Variants in PELI1 observed in about 807,000 individuals in gnomAD.
PELI1 encodes E3 ubiquitin-protein ligase pellino homolog 1.
Under a neutral mutation model 41.3 loss-of-function variants are expected in PELI1, and 15 were observed. The ratio of observed to expected loss-of-function variants is 0.36; its 90% CI spans 0.24 to 0.56. The LOEUF is 0.56. PELI1 is among the 20% of genes least tolerant of loss of function. The pLI is 0.82. For synonymous variants in PELI1, 178 were observed against 180.1 expected (o/e 0.99, Z 0.09); for missense variants, 403 against 525.5 (o/e 0.77, Z 2.28).
intron 1 of PELI1, among the ~76,000 whole-genome samples, chr2:64,122,471 A>G (rs1419920605): frequency 6.6e-6 from 1 of 150,898 alleles, no homozygotes; most frequent in Non-Finnish European, 1.5e-5. Context: ...TTTTTGTTTC[A>G]CCCTTGGACA....
At chr2:64,111,985 TTTAAA>T (rs1426961730) in intron 1 of PELI1, among the ~76,000 whole-genome samples, 2 of 152,178 alleles carry the variant, frequency 1.3e-5, no homozygotes, top group Admixed American at 6.5e-5. Context: ...AACAATTAAA[TTTAAA>T]TTAATTTTAA....
At chr2:64,095,844 T>C (rs1172291807) in intron 6 of PELI1, among the ~76,000 whole-genome samples, 3 of 152,220 alleles carry the variant, frequency 2.0e-5, no homozygotes, top group East Asian at 3.8e-4. Context: ...GGTTTCTCCA[T>C]GTGGCTCAGG....
At chr2:64,143,865 G>A (rs1280627623) in intron 1 of PELI1, among the ~76,000 whole-genome samples, 1 of 151,750 alleles carries the variant, frequency 6.6e-6, no homozygotes, top group Non-Finnish European at 1.5e-5. Flanking sequence ...AGGCCGCGTA[G>A]GGCCGGTTCC....
At chr2:64,114,084 G>A (rs1255137078) in intron 1 of PELI1, among the ~76,000 whole-genome samples, 1 of 152,098 alleles carries the variant, frequency 6.6e-6, no homozygotes, top group African/African-American at 2.4e-5. Flanking sequence ...TAGGCATAAT[G>A]GGGTACTGAG....
intron 1 of PELI1, among the ~76,000 whole-genome samples, chr2:64,130,773 A>G (rs1681528957): frequency 6.6e-6 from 1 of 152,192 alleles, no homozygotes; most frequent in East Asian, 1.9e-4. Flanking sequence ...AAAATTTCCT[A>G]GAGACTATAG....
intron 1 of PELI1, among the ~76,000 whole-genome samples, chr2:64,131,716 G>T (rs1287742497): frequency 6.6e-6 from 1 of 151,912 alleles, no homozygotes; most frequent in Non-Finnish European, 1.5e-5. Flanking sequence ...CACCTCCCAG[G>T]TTCAAGCAAT....
At chr2:64,095,297 T>A in intron 6 of PELI1, 29 bp from the exon 7 acceptor site, 2 of 1,496,540 alleles carry the variant, frequency 1.3e-6, no homozygotes, top group Non-Finnish European at 1.9e-6. Context: ...GAAAAACATA[T>A]TCACCACTCT....
intron 1 of PELI1, among the ~76,000 whole-genome samples, chr2:64,109,316 AG>A (rs1680727585): frequency 6.6e-6 from 1 of 152,254 alleles, no homozygotes; most frequent in Admixed American, 6.5e-5. Context: ...TCCAGAGCCT[AG>A]GAACATAATA....
chr2:64,136,004 T>C (rs1681705263), intron 1 of PELI1, among the ~76,000 whole-genome samples: 1 of 152,224 alleles, frequency 6.6e-6, no homozygotes, highest in African/African-American at 2.4e-5. Flanking sequence ...TCCTTCCTTC[T>C]CTTGCTGCCT....
At chr2:64,139,450 C>CA (rs778832674) in intron 1 of PELI1, among the ~76,000 whole-genome samples, 4 of 151,760 alleles carry the variant, frequency 2.6e-5, no homozygotes, top group Non-Finnish European at 5.9e-5. Flanking sequence ...GGACCACGTC[C>CA]AGTTAATTTT....
chr2:64,143,806 G>A (rs1558491445), intron 1 of PELI1, among the ~76,000 whole-genome samples: 1 of 151,862 alleles, frequency 6.6e-6, no homozygotes, highest in Non-Finnish European at 1.5e-5. Context: ...CCAGCCAGGC[G>A]CGGGGCTCGG....
rs114198811 is a variant in PELI1 at position 64,096,656 on chromosome 2, G to A, written c.304-46C>T. On this transcript the variant is annotated intron_variant, in intron 4 of 6. Coordinates refer to ENST00000358912, the MANE Select transcript of PELI1 (RefSeq NM_020651.4). ...CCTATAAACCCATTCAAAGAGCACA[G>A]TGGAAAATCCATTCAAGAAGGGCAC... The A allele has an allele frequency of 4.4e-4, 575 of 1,297,580 alleles. 1 individual carries two copies. In the African/African-American group the frequency reaches 7.2e-3, roughly 16 times the overall value. The allele number at this position is 1,297,580 out of a possible 1,614,324, so 80.4% of individuals were successfully genotyped here.
intron 3 of PELI1, among the ~76,000 whole-genome samples, chr2:64,103,098 C>T (rs1680501144): frequency 6.6e-6 from 1 of 152,058 alleles, no homozygotes; most frequent in African/African-American, 2.4e-5. Context: ...CCACCTTGGC[C>T]TCTCAAGTGC....
chr2:64,138,608 T>C (rs574411057), intron 1 of PELI1, among the ~76,000 whole-genome samples: 1 of 152,182 alleles, frequency 6.6e-6, no homozygotes, highest in South Asian at 2.1e-4. Flanking sequence ...GTGCCTGTAA[T>C]CCCAGCTACT....
At position 64,094,555 on chromosome 2, in the gene PELI1, GCTA is replaced by G; in HGVS notation, c.*144_*146del. 1 of 512,670 alleles carries G rather than the reference GCTA, an allele frequency of 2.0e-6. No individual in the cohort carries two copies. The highest frequency in any genetic ancestry group is 3.4e-6 in the Non-Finnish European group (1 of 293,258). 31.8% of individuals were successfully genotyped at this position (512,670 alleles called of 1,614,324 possible). A position where few individuals can be genotyped will look rare whatever the true frequency, so the allele number is the denominator to read the frequency against. ...TTTCCCAGATTTTTGCTCAGAAATT[GCTA>G]CTATTTATTATAAATGTTTTAAAAA... On this transcript the variant is annotated 3_prime_UTR_variant, in exon 7 of 7. Coordinates refer to ENST00000358912, the MANE Select transcript of PELI1 (RefSeq NM_020651.4).
chr2:64,109,287 A>G (rs1680726670), intron 1 of PELI1, among the ~76,000 whole-genome samples: 1 of 152,226 alleles, frequency 6.6e-6, no homozygotes, highest in African/African-American at 2.4e-5. Flanking sequence ...GCCAGTGGAA[A>G]CAGAAGGTTT....
rs1682035681 is a variant in PELI1 at position 64,144,321 on chromosome 2, C to G, written c.-310G>C. On this transcript the variant is annotated 5_prime_UTR_variant, in exon 1 of 7. Transcript: ENST00000358912. ...GCTCCCGGAGGGCTGGGGACCAATT[C>G]GACCGCACCGCGGGACTAGGGCTGC... 1 of 152,312 alleles carries G rather than the reference C, an allele frequency of 6.6e-6. No individual in the cohort carries two copies. Among genetic ancestry groups the G allele is most frequent in the Non-Finnish European group, 1.5e-5 (1 of 68,152 alleles). 9.4% of individuals were successfully genotyped at this position (152,312 alleles called of 1,614,324 possible).
chr2:64,141,639 T>C (rs543466439), intron 1 of PELI1, among the ~76,000 whole-genome samples: 13 of 152,336 alleles, frequency 8.5e-5, no homozygotes, highest in South Asian at 2.1e-4. Flanking sequence ...TCTGAAATGA[T>C]AGAACTCTTA....
intron 1 of PELI1, among the ~76,000 whole-genome samples, chr2:64,118,102 C>T (rs1003870846): frequency 6.6e-6 from 1 of 152,128 alleles, no homozygotes; most frequent in African/African-American, 2.4e-5. Context: ...AGCCACCGTG[C>T]CCGGCCCTTT....
Sources: allele counts gnomAD v4.1 joint callset (sites outside exome capture counted in the v4.1 genomes callset), GRCh38; gene constraint gnomAD v4.1.1; transcripts MANE v1.5; gene names NCBI Gene and HGNC (gene_info 2026-07-23, HGNC 2026-07-21).